Variants in APEH observed in about 807,000 individuals in gnomAD.
APEH encodes acylaminoacyl-peptide hydrolase.
APEH carries 75 observed loss-of-function variants against 102.7 expected under a neutral mutation model. The observed-to-expected ratio is 0.73, with a 90% CI of 0.61 to 0.89. The LOEUF is 0.89. APEH is among the 40% of genes least tolerant of loss of function. The probability of loss-of-function intolerance (pLI) is 0.00; values close to 1 mark genes in which losing one functional copy is unlikely to be tolerated. For missense variants in APEH, 863 were observed against 941.2 expected (o/e 0.92, Z 1.09); for synonymous variants, 344 against 362.7 (o/e 0.95, Z 0.59).
rs1392569370 is a variant in APEH at position 49,682,839 on chromosome 3, G to GC, written c.1884-3dup. ...TGGGGCTGCAACAGCTCGGTGTCTT[G>GC]CAGGTGCGTGGTGGAGGCTGGCTTT... On this transcript the variant is annotated splice_polypyrimidine_tract_variant and splice_region_variant and intron_variant, in intron 19 of 21. Transcript: ENST00000296456. 3.1e-6 allele frequency: 5 copies of GC among 1,613,914 alleles called. No homozygotes were observed. Among genetic ancestry groups the GC allele is most frequent in the Non-Finnish European group, 4.2e-6 (5 of 1,180,030 alleles).
chr3:49,683,164 G>A lies in APEH; in HGVS notation c.2093+18G>A, dbSNP rs747883577. 2 of 1,612,730 alleles carry A rather than the reference G, an allele frequency of 1.2e-6. No homozygotes were observed. Among genetic ancestry groups the A allele is most frequent in the South Asian group, 1.1e-5 (1 of 91,042 alleles). ...CCTGTTCGGTGAGTGCAGCATGAAG[G>A]CCCTGGCAGCTGGTGGGCAGGTGAG... On this transcript the variant is annotated intron_variant, in intron 21 of 21. Transcript: ENST00000296456.
At position 49,683,956 on chromosome 3, in the gene APEH, A is replaced by G; in HGVS notation, c.*614A>G. ...GGCTAAGAAGCATCTGTACAGGCATAAAGAGGAAACATGGCTTTATGTCTG... is the reference window on the plus strand; with the variant it reads ...GGCTAAGAAGCATCTGTACAGGCATGAAGAGGAAACATGGCTTTATGTCTG... On this transcript the variant is annotated 3_prime_UTR_variant, in exon 22 of 22. Coordinates refer to ENST00000296456, the MANE Select transcript of APEH (RefSeq NM_001640.4). 1 of 1,571,488 alleles carries G rather than the reference A, an allele frequency of 6.4e-7. No homozygotes were observed. Among genetic ancestry groups the G allele is most frequent in the South Asian group, 1.2e-5 (1 of 83,002 alleles).
At chr3:49,680,986 C>T (rs1250688746) in intron 14 of APEH, 115 bp from the exon 15 acceptor site, 2 of 1,342,300 alleles carry the variant, frequency 1.5e-6, no homozygotes, top group Non-Finnish European at 2.0e-6. Flanking sequence ...GCTGTACCTT[C>T]TGGAGGTGGG....
At position 49,676,793 on chromosome 3, in the gene APEH, G is replaced by A. The variant is rs761839473; in HGVS notation, c.853G>A (p.Val285Met). The change falls in exon 9 of 22, where the codon GTG becomes ATG. Residue 285 changes from valine to methionine, a missense_variant. Coordinates refer to ENST00000296456, the MANE Select transcript of APEH (RefSeq NM_001640.4). ...TGGTTCCAGGTCAGCCCTGTATTAT[G>A]TGGACCTCATCGGGGGGAAGTGTGG... ...CTNRRSALYYVDLIGGKCELL... is the reference protein window; with the variant it reads ...CTNRRSALYYMDLIGGKCELL... 10 of 1,614,152 alleles carry A rather than the reference G, an allele frequency of 6.2e-6. No homozygotes were observed. Among genetic ancestry groups the A allele is most frequent in the African/African-American group, 1.3e-5 (1 of 74,954 alleles).
rs2108129481 is a variant in APEH at position 49,682,332 on chromosome 3, C to CCCTCCCTGCCCT, written c.1604-14_1604-3dup. 6.2e-7 allele frequency: 1 copy of CCCTCCCTGCCCT among 1,604,786 alleles called. No homozygotes were observed. Among genetic ancestry groups the CCCTCCCTGCCCT allele is most frequent in the East Asian group, 2.2e-5 (1 of 44,626 alleles). ...ATGTTGCCTGACTACACTGTCTGGTCCCTCCCTGCCCTCAGTGAACTATCG... is the reference window on the plus strand; with the variant it reads ...ATGTTGCCTGACTACACTGTCTGGTCCCTCCCTGCCCTCCTCCCTGCCCTCAGTGAACTATCG... On this transcript the variant is annotated splice_polypyrimidine_tract_variant and intron_variant, in intron 17 of 21. Coordinates refer to ENST00000296456, the MANE Select transcript of APEH (RefSeq NM_001640.4).
At position 49,678,836 on chromosome 3, in the gene APEH, C is replaced by T. The variant is rs745818621; in HGVS notation, c.1061-16C>T. On this transcript the variant is annotated splice_polypyrimidine_tract_variant and intron_variant, in intron 11 of 21. Coordinates refer to ENST00000296456, the MANE Select transcript of APEH (RefSeq NM_001640.4). ...CTCCACTCCTGGATGCAGCCTCAGC[C>T]CTCCTATCTTTACAGAGAACTTCTC... 87 of 1,600,106 alleles carry T rather than the reference C, an allele frequency of 5.4e-5. No individual in the cohort carries two copies. Among genetic ancestry groups the T allele is most frequent in the Non-Finnish European group, 7.3e-5 (85 of 1,167,676 alleles).
chr3:49,675,772 G>C lies in APEH; in HGVS notation c.351G>C (p.Glu117Asp). ...RKAGGTGPGE[E>D]KQFLEVWEKN... ...CTGGAGGCACGGGCCCTGGGGAAGA[G>C]AAGCAGTTCCTGGAGGTGAGTCTGC... Residue 117 changes from glutamate to aspartate, a missense_variant, in exon 4 of 22, where the codon GAG (glutamate) becomes GAC (aspartate). Physicochemically the swap from Glu to Asp is conservative, Grantham distance 45 (BLOSUM62 2). Transcript: ENST00000296456. The C allele has an allele frequency of 6.2e-7, 1 of 1,614,120 alleles. No individual in the cohort carries two copies. Among genetic ancestry groups the C allele is most frequent in the South Asian group, 1.1e-5 (1 of 91,090 alleles).
At chr3:49,678,827 A>T in intron 11 of APEH, 25 bp from the exon 12 acceptor site, 3 of 1,580,522 alleles carry the variant, frequency 1.9e-6, no homozygotes, top group Non-Finnish European at 2.6e-6. Flanking sequence ...TCCTGGATGC[A>T]GCCTCAGCCC....
rs1273187719 is a variant in APEH, at chr3:49,682,954, C to T, written c.1986+9C>T. On this transcript the variant is annotated intron_variant, in intron 20 of 21. Transcript: ENST00000296456. ...TCAGATACATCCCTCAGGTATGCAG[C>T]CCCCTCCTTGCCCTGTGTGCTGCCC... 6.2e-7 allele frequency: 1 copy of T among 1,612,950 alleles called. No individual in the cohort carries two copies. The highest frequency in any genetic ancestry group is 1.7e-5 in the Admixed American group (1 of 59,904).
At chr3:49,675,670 A>T (rs746399959) in intron 3 of APEH, 24 bp from the exon 4 acceptor site, 44 of 1,594,422 alleles carry the variant, frequency 2.8e-5, no homozygotes, top group Non-Finnish European at 3.8e-5. Context: ...GATAATCCTG[A>T]CCTGTGCTAC....
chr3:49,675,474 T>G (rs1403812744), intron 3 of APEH, 165 bp downstream of exon 3: 1 of 1,139,092 alleles, frequency 8.8e-7, no homozygotes, highest in Non-Finnish European at 1.2e-6. Flanking sequence ...CACTGGAAGC[T>G]TGCTCCAAAC....
intron 2 of APEH, 21 bp downstream of exon 2, chr3:49,674,642 T>C: frequency 6.3e-7 from 1 of 1,585,966 alleles, no homozygotes; most frequent in East Asian, 2.3e-5. Flanking sequence ...GAAGGGGAAC[T>C]GGCTGGCGAC....
Position 49,677,171 on chromosome 3 carries a change from C to T in APEH, c.999+147C>T, listed in dbSNP as rs2053098757. 3 of 1,226,376 alleles carry T rather than the reference C, an allele frequency of 2.4e-6. No homozygotes were observed. The Admixed American group carries it at 6.4e-5, about 26-fold the overall frequency. 76.0% of individuals were successfully genotyped at this position (1,226,376 alleles called of 1,614,324 possible). Reference sequence around the variant, plus strand: ...CAGCAGCGGTGTGAGTTCTGCCTGTCCTCTCAAGGAGGGCCTAGAGGTTGA... The same window carrying T: ...CAGCAGCGGTGTGAGTTCTGCCTGTTCTCTCAAGGAGGGCCTAGAGGTTGA... On this transcript the variant is annotated intron_variant, in intron 10 of 21. Coordinates refer to ENST00000296456, the MANE Select transcript of APEH (RefSeq NM_001640.4).
chr3:49,683,455 G>A lies in APEH; in HGVS notation c.*113G>A, dbSNP rs2933248. The stretch of plus-strand genomic sequence containing the variant: ...TCTGGGCTCTGGACTCCACGGATGC[G>A]TGGGCAGAGGAATGTGGGCTATGTA... On this transcript the variant is annotated 3_prime_UTR_variant, in exon 22 of 22. Coordinates refer to ENST00000296456, the MANE Select transcript of APEH (RefSeq NM_001640.4). 1.5e-4 allele frequency: 131 copies of A among 868,348 alleles called. No individual in the cohort carries two copies. Among genetic ancestry groups the A allele is most frequent in the Non-Finnish European group, 2.1e-4 (113 of 525,728 alleles). The allele number at this position is 868,348 out of a possible 1,614,324, so 53.8% of individuals were successfully genotyped here.
chr3:49,675,595 GC>G (rs2052995472), intron 3 of APEH, 98 bp from the exon 4 acceptor site: 2 of 1,257,128 alleles, frequency 1.6e-6, no homozygotes, highest in Non-Finnish European at 2.3e-6. Context: ...CTGGTGTGGG[GC>G]CAGAGCCTCA....
In APEH at chr3:49,676,248, G is replaced by A. The variant is rs2053044654; in HGVS notation, c.606+29G>A. 14 of 1,612,352 alleles carry A rather than the reference G, an allele frequency of 8.7e-6. No homozygotes were observed. In the East Asian group the frequency reaches 3.1e-4, roughly 36 times the overall value. ...CTCGTGGTCAATCCACGAAGGCCCG[G>A]CAGGGCAGCCCTGGGGCTCAGTGTG... is the stretch of plus-strand genomic sequence containing the variant. On this transcript the variant is annotated intron_variant, in intron 6 of 21. Transcript: ENST00000296456.
chr3:49,676,487 G>A lies in APEH; in HGVS notation c.716G>A (p.Gly239Glu). The change falls in exon 7 of 22, where the codon GGG becomes GAG. Residue 239 changes from glycine (G) to glutamate (E), a missense_variant. Transcript: ENST00000296456. ...AGTGGCAACATCTCTGTGCTTGAGG[G>A]GGTCCCTGAGAATGTGTCCCCTGGA... ...VESGNISVLE[G>E]VPENVSPGQA... The A allele has an allele frequency of 1.9e-6, 3 of 1,614,228 alleles. No individual in the cohort carries two copies. Among genetic ancestry groups the A allele is most frequent in the Non-Finnish European group, 2.5e-6 (3 of 1,180,040 alleles).
chr3:49,677,909 G>A (rs760977252), intron 11 of APEH, among the ~76,000 whole-genome samples: 8 of 152,134 alleles, frequency 5.3e-5, no homozygotes, highest in Non-Finnish European at 8.8e-5. Flanking sequence ...TGTGCTGCAG[G>A]TCATAATTAG....
intron 4 of APEH, 23 bp downstream of exon 4, chr3:49,675,810 A>G: frequency 6.2e-7 from 1 of 1,612,836 alleles, no homozygotes; most frequent in Non-Finnish European, 8.5e-7. Flanking sequence ...GGGACCAGGT[A>G]GTGGGTGACA....
Sources: allele counts gnomAD v4.1 joint callset (sites outside exome capture counted in the v4.1 genomes callset), GRCh38; gene constraint gnomAD v4.1.1; transcripts MANE v1.5; gene names NCBI Gene and HGNC (gene_info 2026-07-23, HGNC 2026-07-21).